The following TERB1 variants were observed in gnomAD, a reference collection of about 807,000 sequenced individuals.
The protein encoded by TERB1 is telomere repeats-binding bouquet formation protein 1.
Under a neutral mutation model 92.3 loss-of-function variants are expected in TERB1, and 63 were observed. The observed-to-expected ratio is 0.68, with a 90% CI of 0.56 to 0.84. TERB1 has a LOEUF of 0.84. Ranked by LOEUF, TERB1 falls within the 40% of genes least tolerant of loss-of-function variation. TERB1 has a pLI of 0.00. For synonymous variants in TERB1, 252 were observed against 283.9 expected, an observed-to-expected ratio of 0.89 and a Z score of 1.13; for missense variants, 709 against 843.7, an observed-to-expected ratio of 0.84 and a Z score of 1.98.
chr16:66,776,329 C>CA (rs377113453), intron 11 of TERB1, among the ~76,000 whole-genome samples: 25,269 of 89,032 alleles, frequency 0.28, 4,441 homozygotes, highest in African/African-American at 0.55. Context: ...AACTCCGTCT[C>CA]AAAAAAAAAA....
intron 3 of TERB1, among the ~76,000 whole-genome samples, chr16:66,795,823 A>T (rs1410713625): frequency 1.3e-5 from 2 of 152,196 alleles, no homozygotes; most frequent in African/African-American, 2.4e-5. Context: ...GCAGTGGTTC[A>T]CTGTAGCCTT....
chr16:66,765,160 A>G (rs998420320), intron 16 of TERB1, among the ~76,000 whole-genome samples: 1 of 152,202 alleles, frequency 6.6e-6, no homozygotes, highest in African/African-American at 2.4e-5. Context: ...ATGTTTGTGG[A>G]ATGAATGAAT....
intron 6 of TERB1, among the ~76,000 whole-genome samples, chr16:66,787,021 G>A (rs1436295208): frequency 6.6e-6 from 1 of 152,164 alleles, no homozygotes; most frequent in African/African-American, 2.4e-5. Flanking sequence ...TGGGACCTGG[G>A]TGACATGGGG....
At chr16:66,801,312 T>C (rs2145289352) in intron 1 of TERB1, among the ~76,000 whole-genome samples, 156 bp downstream of exon 1, 1 of 152,264 alleles carries the variant, frequency 6.6e-6, no homozygotes, top group East Asian at 1.9e-4. Flanking sequence ...GACTGTCTCT[T>C]CCCGCCAAGG....
chr16:66,759,422 T>G (rs941064257), intron 16 of TERB1, 132 bp from the exon 17 acceptor site: 1 of 669,292 alleles, frequency 1.5e-6, no homozygotes, highest in Non-Finnish European at 2.4e-6. Flanking sequence ...AAGCTCAAAA[T>G]CATATGAGGG....
intron 5 of TERB1, among the ~76,000 whole-genome samples, chr16:66,789,258 C>A (rs918917399): frequency 6.6e-6 from 1 of 151,704 alleles, no homozygotes; most frequent in African/African-American, 2.4e-5. Context: ...ATATATACAC[C>A]TATTATATAG....
intron 14 of TERB1, 60 bp from the exon 15 acceptor site, chr16:66,768,228 A>G: frequency 1.6e-6 from 2 of 1,269,244 alleles, no homozygotes; most frequent in Non-Finnish European, 2.2e-6. Flanking sequence ...GTGCGGACCA[A>G]TGTTTCTGTA....
intron 6 of TERB1, 74 bp from the exon 7 acceptor site, chr16:66,786,359 T>C: frequency 9.7e-7 from 1 of 1,032,806 alleles, no homozygotes; most frequent in Non-Finnish European, 1.4e-6. Flanking sequence ...ACAGTTAAGT[T>C]TTATTTTAAT....
intron 11 of TERB1, among the ~76,000 whole-genome samples, chr16:66,776,725 T>C (rs1430291268): frequency 1.3e-5 from 2 of 148,586 alleles, no homozygotes; most frequent in Admixed American, 1.3e-4. Flanking sequence ...AGGAGGAAAA[T>C]AAAAGGGGGA....
intron 9 of TERB1, among the ~76,000 whole-genome samples, chr16:66,780,237 G>T (rs1311260553): frequency 6.6e-6 from 1 of 152,086 alleles, no homozygotes; most frequent in Non-Finnish European, 1.5e-5. Context: ...TTCTTTCCTA[G>T]AAAGTATTTT....
chr16:66,797,510 T>C (rs1959203442), intron 2 of TERB1, among the ~76,000 whole-genome samples: 1 of 151,486 alleles, frequency 6.6e-6, no homozygotes, highest in East Asian at 1.9e-4. Context: ...GTGCTGAGAT[T>C]ACAGGTGTGA....
At position 66,788,287 on chromosome 16, in the gene TERB1, C is replaced by G; in HGVS notation, c.282G>C (p.Gln94His). Reference protein sequence around the residue: ...GAIAEKNVYCQQTLCTSELFE... With the variant: ...GAIAEKNVYCHQTLCTSELFE... ...ACAACTCTGAAGTACACAAAGTCTGCTGACAGTAAACTGAAATATAAAATA... is the reference window on the plus strand; with the variant it reads ...ACAACTCTGAAGTACACAAAGTCTGGTGACAGTAAACTGAAATATAAAATA... The change falls in exon 6 of 19, where the codon CAG becomes CAC. Residue 94 changes from glutamine (Q) to histidine (H), a missense_variant. By Grantham distance (24) the Gln-to-His change is conservative. Transcript: ENST00000433154. The G allele has an allele frequency of 6.7e-7, 1 of 1,489,672 alleles. No homozygotes were observed. The highest frequency in any genetic ancestry group is 8.9e-7 in the Non-Finnish European group (1 of 1,124,938). 92.3% of individuals were successfully genotyped at this position (1,489,672 alleles called of 1,614,324 possible).
At chr16:66,778,264 T>A (rs954288979) in intron 10 of TERB1, among the ~76,000 whole-genome samples, 7 of 152,268 alleles carry the variant, frequency 4.6e-5, no homozygotes, top group East Asian at 1.9e-4. Flanking sequence ...CTGAAAATTT[T>A]AAATTTTTTT....
chr16:66,772,115 CATTTAAAACT>C (rs944574369), intron 13 of TERB1, among the ~76,000 whole-genome samples: 3 of 152,010 alleles, frequency 2.0e-5, no homozygotes, highest in African/African-American at 7.3e-5. Context: ...TGGAGTTTTC[CATTTAAAACT>C]ATTTAAAACT....
chr16:66,760,130 CAAAAAAA>C (rs148772308), intron 16 of TERB1, among the ~76,000 whole-genome samples: 3 of 23,396 alleles, frequency 1.3e-4, no homozygotes, highest in Non-Finnish European at 2.0e-4. Context: ...GACTCCATCT[CAAAAAAA>C]AAAAAAAAAA....
At chr16:66,757,127 G>A (rs1348167712) in intron 18 of TERB1, among the ~76,000 whole-genome samples, 1 of 152,110 alleles carries the variant, frequency 6.6e-6, no homozygotes, top group Admixed American at 6.6e-5. Context: ...AAATATTCCT[G>A]GCCGGCTTGT....
rs1201403955 is a variant in TERB1, at chr16:66,778,927, A to G, written c.789T>C (p.Thr263=). Reference sequence around the variant, plus strand: ...CCACTGCAAGTTTAGCACTGGAAAGAGTCTCATGTGAATCAGATTCCAGCT... The same window carrying G: ...CCACTGCAAGTTTAGCACTGGAAAGGGTCTCATGTGAATCAGATTCCAGCT... The part of the protein sequence containing the change: ...LMQLESDSHE[T]LSSAKLAVVV... The change falls in exon 10 of 19, where the codon ACT becomes ACC. Residue 263 remains threonine (T), a synonymous_variant. Coordinates refer to ENST00000433154, the MANE Select transcript of TERB1 (RefSeq NM_001136505.2). The G allele has an allele frequency of 6.5e-7, 1 of 1,537,414 alleles. No homozygotes were observed. The highest frequency in any genetic ancestry group is 8.8e-7 in the Non-Finnish European group (1 of 1,135,392).
In TERB1 at chr16:66,755,045, T is replaced by C; in HGVS notation, c.2115A>G (p.Gly705=). ...TGTGAGCAAGGTCCACAGCCTTCCGTCCTTGCTGAAAGGGGAAAGACCACA... is the reference window on the plus strand; with the variant it reads ...TGTGAGCAAGGTCCACAGCCTTCCGCCCTTGCTGAAAGGGGAAAGACCACA... The part of the protein sequence containing the change: ...SILWSFPFQQ[G]RKAVDLAHKY... The change falls in exon 19 of 19, where the codon GGA becomes GGG. Residue 705 remains glycine (G), a synonymous_variant. Transcript: ENST00000433154. 1 of 1,551,702 alleles carries C rather than the reference T, an allele frequency of 6.4e-7. No homozygotes were observed.
At chr16:66,758,944 T>G in intron 17 of TERB1, 106 bp from the exon 18 acceptor site, 1 of 940,534 alleles carries the variant, frequency 1.1e-6, no homozygotes, top group Non-Finnish European at 1.6e-6. Context: ...GTGGGAATAC[T>G]TAGATAGATT....
Sources: allele counts gnomAD v4.1 joint callset (sites outside exome capture counted in the v4.1 genomes callset), GRCh38; gene constraint gnomAD v4.1.1; transcripts MANE v1.5; gene names NCBI Gene and HGNC (gene_info 2026-07-23, HGNC 2026-07-21).